The following RANBP17 variants were observed in gnomAD, a reference collection of about 807,000 sequenced individuals.
RANBP17 encodes the protein ran-binding protein 17.
Under a neutral mutation model 141.2 loss-of-function variants are expected in RANBP17, and 158 were observed. The observed-to-expected ratio is 1.12, with a 90% CI of 0.98 to 1.28. The LOEUF (loss-of-function observed/expected upper bound fraction) is 1.28. Among genes scored for constraint, RANBP17 ranks in the 50% most tolerant of loss-of-function variants. RANBP17 has a pLI of 0.00. For synonymous variants in RANBP17, 430 were observed against 450.0 expected (o/e 0.96, Z 0.56); for missense variants, 1,438 against 1,290.7 (o/e 1.11, Z -1.75).
chr5:170,980,135 A>T (rs1777658952), intron 14 of RANBP17, among the ~76,000 whole-genome samples: 1 of 152,148 alleles, frequency 6.6e-6, no homozygotes, highest in Admixed American at 6.5e-5. Context: ...GGAACTTTGA[A>T]CTTGAGGGAG....
At chr5:171,182,573 CA>C (rs1760932763) in intron 16 of RANBP17, among the ~76,000 whole-genome samples, 1 of 152,172 alleles carries the variant, frequency 6.6e-6, no homozygotes, top group Admixed American at 6.5e-5. Flanking sequence ...TAATACTTAA[CA>C]GTGTAATTGT....
At chr5:170,948,979 A>C (rs1176213430) in intron 12 of RANBP17, among the ~76,000 whole-genome samples, 1 of 152,028 alleles carries the variant, frequency 6.6e-6, no homozygotes, top group African/African-American at 2.4e-5. Context: ...CTAGTGAGAC[A>C]CCTCATCTCT....
At chr5:170,932,723 A>G (rs1244792383) in intron 12 of RANBP17, among the ~76,000 whole-genome samples, 6 of 152,024 alleles carry the variant, frequency 3.9e-5, no homozygotes, top group African/African-American at 7.2e-5. Flanking sequence ...ATTGATTTGC[A>G]TATGTTGAAC....
At chr5:170,934,438 G>C (rs1773681532) in intron 12 of RANBP17, among the ~76,000 whole-genome samples, 1 of 152,032 alleles carries the variant, frequency 6.6e-6, no homozygotes, top group Non-Finnish European at 1.5e-5. Context: ...GTCTTATTTG[G>C]CATGTTTTTG....
chr5:170,884,279 C>T (rs975288525), intron 3 of RANBP17, among the ~76,000 whole-genome samples: 1 of 152,162 alleles, frequency 6.6e-6, no homozygotes, highest in African/African-American at 2.4e-5. Flanking sequence ...CATTGACCCC[C>T]TGCGCAATCA....
chr5:171,292,279 A>G (rs549617174), intron 25 of RANBP17, among the ~76,000 whole-genome samples: 1 of 152,354 alleles, frequency 6.6e-6, no homozygotes, highest in African/African-American at 2.4e-5. Context: ...TGATATGATG[A>G]TGTATAGAAT....
intron 14 of RANBP17, among the ~76,000 whole-genome samples, chr5:171,087,750 G>T (rs1245653943): frequency 6.8e-6 from 1 of 147,604 alleles, no homozygotes; most frequent in Non-Finnish European, 1.5e-5. Context: ...ATCTTTGTTG[G>T]TTTAAAGTCT....
intron 24 of RANBP17, 62 bp downstream of exon 24, chr5:171,242,882 G>A (rs1435375645): frequency 1.4e-6 from 2 of 1,456,484 alleles, no homozygotes; most frequent in East Asian, 4.6e-5. Context: ...TTTAATGTAT[G>A]TGATTATTGA....
chr5:170,935,694 A>G (rs1017763789), intron 12 of RANBP17, among the ~76,000 whole-genome samples: 9 of 152,076 alleles, frequency 5.9e-5, no homozygotes, highest in East Asian at 1.9e-4. Flanking sequence ...TGAGGTGTCA[A>G]TCGCCCCCCT....
chr5:171,144,532 C>T (rs1207473617), intron 14 of RANBP17, among the ~76,000 whole-genome samples: 1 of 152,140 alleles, frequency 6.6e-6, no homozygotes, highest in Non-Finnish European at 1.5e-5. Context: ...CTGCAGGTTG[C>T]CCTTCAGCCA....
chr5:171,064,805 G>T (rs553890299), intron 14 of RANBP17, among the ~76,000 whole-genome samples: 9 of 152,018 alleles, frequency 5.9e-5, no homozygotes, highest in African/African-American at 2.2e-4. Flanking sequence ...ACAGACATGA[G>T]TGACCATGCC....
intron 22 of RANBP17, among the ~76,000 whole-genome samples, 191 bp from the exon 23 acceptor site, chr5:171,240,737 G>T (rs1224086946): frequency 6.6e-6 from 1 of 151,756 alleles, no homozygotes; most frequent in Non-Finnish European, 1.5e-5. Context: ...TTTTTCCTTG[G>T]GCCTTTTGTA....
intron 14 of RANBP17, among the ~76,000 whole-genome samples, chr5:171,011,701 AT>A (rs1780047625): frequency 6.6e-6 from 1 of 151,912 alleles, no homozygotes; most frequent in African/African-American, 2.4e-5. Context: ...TATTTTTTAT[AT>A]ACCTCCTGAG....
chr5:170,945,590 G>T (rs1029908172), intron 12 of RANBP17, among the ~76,000 whole-genome samples: 1 of 152,108 alleles, frequency 6.6e-6, no homozygotes, highest in Non-Finnish European at 1.5e-5. Flanking sequence ...TAGCTAAATT[G>T]TACTGCTTCC....
rs574585150 is a variant in RANBP17 at position 171,069,456 on chromosome 5, C to G, written c.1711-100674C>G. On this transcript the variant is annotated intron_variant, in intron 14 of 27. Transcript: ENST00000523189. ...AAATCATTGATTCTGAGAGTTCTTG[C>G]TAGCTCAATGGTTTCAGTGGAGGAA... 1.3e-3 allele frequency among the ~76,000 whole-genome samples: 194 copies of G among 152,322 alleles called. No homozygotes were observed. The Middle Eastern group carries it at 0.027, about 21-fold the overall frequency.
intron 14 of RANBP17, among the ~76,000 whole-genome samples, chr5:171,064,542 G>A (rs890263487): frequency 1.3e-5 from 2 of 151,992 alleles, no homozygotes; most frequent in African/African-American, 4.8e-5. Flanking sequence ...TGTTGCCCAG[G>A]CTGTAGTACA....
At chr5:170,916,656 A>C (rs1771998377) in intron 9 of RANBP17, 72 bp downstream of exon 9, 1 of 983,786 alleles carries the variant, frequency 1.0e-6, no homozygotes, top group East Asian at 2.7e-5. Context: ...TAATAAACTC[A>C]TCATGAATTT....
At chr5:170,949,772 A>G (rs907888008) in intron 12 of RANBP17, among the ~76,000 whole-genome samples, 1 of 152,194 alleles carries the variant, frequency 6.6e-6, no homozygotes. Context: ...TTGTACACAA[A>G]TGTTCATAGC....
intron 24 of RANBP17, among the ~76,000 whole-genome samples, chr5:171,261,408 A>T (rs917303983): frequency 1.3e-5 from 2 of 152,120 alleles, no homozygotes; most frequent in African/African-American, 4.8e-5. Flanking sequence ...TGCCCTTCAG[A>T]CTATATTTTT....
Sources: allele counts gnomAD v4.1 joint callset (sites outside exome capture counted in the v4.1 genomes callset), GRCh38; gene constraint gnomAD v4.1.1; transcripts MANE v1.5; gene names NCBI Gene and HGNC (gene_info 2026-07-23, HGNC 2026-07-21).